TNNI3K: variants seen among roughly 807,000 people sequenced by gnomAD.
TNNI3K encodes the protein serine/threonine-protein kinase TNNI3K.
A neutral mutation model predicts 114.5 loss-of-function variants in TNNI3K; 140 were observed. The observed-to-expected ratio is 1.22, with a 90% CI of 1.07 to 1.41. TNNI3K has a LOEUF of 1.41. TNNI3K is among the 40% of genes most tolerant of loss of function. The probability of loss-of-function intolerance (pLI) is 0.00; values close to 1 mark genes in which losing one functional copy is unlikely to be tolerated. For missense variants in TNNI3K, 1,125 were observed against 1,007.6 expected (o/e 1.12, Z -1.58); for synonymous variants, 347 against 347.5 (o/e 1.00, Z 0.02).
At position 74,423,913 on chromosome 1, in the gene TNNI3K, A is replaced by G. The variant is rs536022398; in HGVS notation, c.1773-12167A>G. The stretch of plus-strand genomic sequence containing the variant: ...CAGAGTAATACTTATCATTATAATT[A>G]CTTAATACCTAACATCATGTCTACC... On this transcript the variant is annotated intron_variant, in intron 17 of 24. Transcript: ENST00000326637. 2.0e-5 allele frequency among the ~76,000 whole-genome samples: 3 copies of G among 152,306 alleles called. No individual in the cohort carries two copies. The South Asian group carries it at 6.2e-4, about 32-fold the overall frequency.
chr1:74,496,747 A>G (rs959961417), intron 23 of TNNI3K, among the ~76,000 whole-genome samples: 2 of 152,180 alleles, frequency 1.3e-5, no homozygotes, highest in Non-Finnish European at 2.9e-5. Context: ...GCACTCTTGA[A>G]GTTCTGCCTC....
At chr1:74,293,440 T>A (rs1340522619) in intron 5 of TNNI3K, among the ~76,000 whole-genome samples, 1 of 151,764 alleles carries the variant, frequency 6.6e-6, no homozygotes, top group Non-Finnish European at 1.5e-5. Context: ...CTTTTTCGCT[T>A]TTTACATTTT....
chr1:74,485,062 C>G (rs572848134), intron 21 of TNNI3K, among the ~76,000 whole-genome samples: 1 of 152,216 alleles, frequency 6.6e-6, no homozygotes, highest in Non-Finnish European at 1.5e-5. Flanking sequence ...ATGGAATGTG[C>G]TAGGTGTCTA....
At chr1:74,431,864 G>T (rs1665916117) in intron 17 of TNNI3K, among the ~76,000 whole-genome samples, 1 of 152,102 alleles carries the variant, frequency 6.6e-6, no homozygotes, top group Non-Finnish European at 1.5e-5. Context: ...ATGGAGTATA[G>T]AAATCACACT....
intron 2 of TNNI3K, among the ~76,000 whole-genome samples, chr1:74,243,633 A>G (rs546293444): frequency 6.6e-6 from 1 of 152,326 alleles, no homozygotes; most frequent in East Asian, 1.9e-4. Flanking sequence ...TGAGGTCATG[A>G]AAAAGAAGTT....
chr1:74,270,804 G>T (rs1006963195), intron 4 of TNNI3K, among the ~76,000 whole-genome samples: 1 of 151,452 alleles, frequency 6.6e-6, no homozygotes, highest in Non-Finnish European at 1.5e-5. Flanking sequence ...GGAAATCTTT[G>T]TATAACAAAG....
At chr1:74,248,343 G>T (rs929699212) in intron 2 of TNNI3K, among the ~76,000 whole-genome samples, 12 of 152,150 alleles carry the variant, frequency 7.9e-5, no homozygotes, top group Non-Finnish European at 1.5e-4. Context: ...GGCCAGTCCA[G>T]AGAGGGGCTC....
intron 24 of TNNI3K, among the ~76,000 whole-genome samples, chr1:74,542,623 T>A (rs1046968106): frequency 6.6e-6 from 1 of 152,194 alleles, no homozygotes; most frequent in Non-Finnish European, 1.5e-5. Context: ...ACCTAAGATA[T>A]TTTGACAAGA....
chr1:74,427,120 T>C (rs1238225769), intron 17 of TNNI3K, among the ~76,000 whole-genome samples: 2 of 152,088 alleles, frequency 1.3e-5, no homozygotes, highest in Non-Finnish European at 2.9e-5. Flanking sequence ...TTCCTGCCTG[T>C]CCTTTGTTCT....
intron 17 of TNNI3K, among the ~76,000 whole-genome samples, chr1:74,408,973 A>G (rs1214495779): frequency 1.3e-5 from 2 of 150,478 alleles, no homozygotes; most frequent in African/African-American, 2.5e-5. Flanking sequence ...GATGACACTC[A>G]TCTAATGCCT....
intron 4 of TNNI3K, among the ~76,000 whole-genome samples, chr1:74,265,218 G>T (rs987175900): frequency 6.6e-6 from 1 of 152,010 alleles, no homozygotes; most frequent in Admixed American, 6.6e-5. Context: ...AGTACAAGAG[G>T]TTTATTTAAA....
intron 5 of TNNI3K, among the ~76,000 whole-genome samples, chr1:74,297,018 T>C (rs1658029392): frequency 6.6e-6 from 1 of 152,194 alleles, no homozygotes; most frequent in South Asian, 2.1e-4. Context: ...TTTGAGAAAA[T>C]ATCTCAGGCA....
chr1:74,359,474 A>C (rs1661838698), intron 11 of TNNI3K, among the ~76,000 whole-genome samples: 1 of 151,990 alleles, frequency 6.6e-6, no homozygotes, highest in African/African-American at 2.4e-5. Context: ...ATTCCTGCCA[A>C]ACGCCTCTGG....
chr1:74,398,187 A>C (rs1664183363), intron 17 of TNNI3K, among the ~76,000 whole-genome samples: 1 of 152,216 alleles, frequency 6.6e-6, no homozygotes, highest in African/African-American at 2.4e-5. Flanking sequence ...GCCTAATCCC[A>C]GATATTCCTA....
chr1:74,244,561 CATTT>C (rs771403473), intron 2 of TNNI3K, among the ~76,000 whole-genome samples: 5 of 150,712 alleles, frequency 3.3e-5, no homozygotes, highest in Non-Finnish European at 7.4e-5. Context: ...ATTCCATGTT[CATTT>C]GTTTTGCAAA....
In TNNI3K at chr1:74,439,553, G is replaced by T; in HGVS notation, c.1942G>T (p.Val648Phe). ...QCTRYTIKAD[V>F]FSYALCLWEI... ...CACTCGGTACACCATCAAAGCAGAT[G>T]TCTTCAGCTATGCTCTGTGTCTGTG... is the stretch of plus-strand genomic sequence containing the variant. Residue 648 changes from valine to phenylalanine, a missense_variant, in exon 20 of 25, where the codon GTC becomes TTC. By Grantham distance (50) the Val-to-Phe change is conservative. Transcript: ENST00000326637. 1 of 1,613,566 alleles carries T rather than the reference G, an allele frequency of 6.2e-7. No homozygotes were observed. The highest frequency in any genetic ancestry group is 8.5e-7 in the Non-Finnish European group (1 of 1,179,666).
At chr1:74,490,455 G>C (rs1669010241) in intron 22 of TNNI3K, among the ~76,000 whole-genome samples, 1 of 152,098 alleles carries the variant, frequency 6.6e-6, no homozygotes, top group South Asian at 2.1e-4. Flanking sequence ...GTGGATTCCA[G>C]AAAAAAGGAA....
At chr1:74,321,758 G>A (rs1401270810) in intron 5 of TNNI3K, among the ~76,000 whole-genome samples, 1 of 151,870 alleles carries the variant, frequency 6.6e-6, no homozygotes, top group African/African-American at 2.4e-5. Flanking sequence ...GATAATAAGA[G>A]AAAGATCACA....
intron 23 of TNNI3K, among the ~76,000 whole-genome samples, chr1:74,520,622 A>C (rs1226453263): frequency 6.6e-6 from 1 of 152,098 alleles, no homozygotes; most frequent in Non-Finnish European, 1.5e-5. Flanking sequence ...TTCAAAAAAA[A>C]AATGGGAAAA....
Sources: allele counts gnomAD v4.1 joint callset (sites outside exome capture counted in the v4.1 genomes callset), GRCh38; gene constraint gnomAD v4.1.1; transcripts MANE v1.5; gene names NCBI Gene and HGNC (gene_info 2026-07-23, HGNC 2026-07-21).